Variants in RCBTB2 observed in about 807,000 individuals in gnomAD.
The protein encoded by RCBTB2 is RCC1 and BTB domain-containing protein 2.
RCBTB2 carries 55 observed loss-of-function variants against 65.4 expected under a neutral mutation model. The ratio of observed to expected loss-of-function variants is 0.84; its 90% CI spans 0.68 to 1.05. The LOEUF is 1.05. RCBTB2 is among the 50% of genes least tolerant of loss of function. The pLI is 0.00. For missense variants in RCBTB2, 599 were observed against 680.1 expected, an observed-to-expected ratio of 0.88 and a Z score of 1.33; for synonymous variants, 220 against 255.2, an observed-to-expected ratio of 0.86 and a Z score of 1.31.
chr13:48,524,471 C>T (rs767762559), intron 2 of RCBTB2, among the ~76,000 whole-genome samples, 188 bp downstream of exon 2: 5 of 152,198 alleles, frequency 3.3e-5, no homozygotes, highest in South Asian at 4.1e-4. Flanking sequence ...ATTTCAGTAA[C>T]GTGACCAATA....
rs1260856038 is a variant in RCBTB2 at position 48,512,015 on chromosome 13, C to A, written c.675+1G>T. 1 of 1,612,988 alleles carries A rather than the reference C, an allele frequency of 6.2e-7. No homozygotes were observed. Among genetic ancestry groups the A allele is most frequent in the Non-Finnish European group, 8.5e-7 (1 of 1,179,164 alleles). Reference sequence around the variant, plus strand: ...AACAAGATGTAAAATAACTTCCTTACCTCCCCCGTGTCTACTACTGCCATG... The same window carrying A: ...AACAAGATGTAAAATAACTTCCTTAACTCCCCCGTGTCTACTACTGCCATG... On this transcript the variant is annotated splice_donor_variant, in intron 8 of 14. Transcript: ENST00000344532. LOFTEE classifies it high-confidence loss of function.
In RCBTB2 at chr13:48,521,977, T is replaced by C; in HGVS notation, c.-23-15A>G. ...CTGGGCAGTCCCTGAGGAAAAAGTA[T>C]GTGGTAAAATCAGGATCCCTTATGT... is the stretch of plus-strand genomic sequence containing the variant. On this transcript the variant is annotated splice_polypyrimidine_tract_variant and intron_variant, in intron 3 of 14. Coordinates refer to ENST00000344532, the MANE Select transcript of RCBTB2 (RefSeq NM_001268.4). The C allele has an allele frequency of 5.0e-6, 8 of 1,610,642 alleles. No individual in the cohort carries two copies. Among genetic ancestry groups the C allele is most frequent in the Non-Finnish European group, 6.8e-6 (8 of 1,178,198 alleles).
At chr13:48,525,540 C>G (rs1951681674) in intron 1 of RCBTB2, among the ~76,000 whole-genome samples, 1 of 151,236 alleles carries the variant, frequency 6.6e-6, no homozygotes. Flanking sequence ...CCTACTCTAT[C>G]CTATTTTATC....
intron 1 of RCBTB2, among the ~76,000 whole-genome samples, chr13:48,527,602 GT>G (rs1951879316): frequency 6.6e-6 from 1 of 151,924 alleles, no homozygotes; most frequent in Non-Finnish European, 1.5e-5. Context: ...GGGACACTCG[GT>G]GGCCAGTAGT....
intron 12 of RCBTB2, 81 bp from the exon 13 acceptor site, chr13:48,499,841 G>A (rs565110300): frequency 2.1e-5 from 32 of 1,521,816 alleles, no homozygotes; most frequent in South Asian, 1.9e-4. Context: ...TTCTTCTCTC[G>A]AAGGTGCACG....
chr13:48,514,368 A>G (rs529149178), intron 6 of RCBTB2, among the ~76,000 whole-genome samples: 1 of 152,356 alleles, frequency 6.6e-6, no homozygotes, highest in African/African-American at 2.4e-5. Context: ...ATGGCACACA[A>G]TTTAAAACTT....
intron 4 of RCBTB2, among the ~76,000 whole-genome samples, chr13:48,516,452 T>A: frequency 6.6e-6 from 1 of 152,238 alleles, no homozygotes. Flanking sequence ...TTCTGAGGGC[T>A]GTGAGGGAAG....
intron 13 of RCBTB2, among the ~76,000 whole-genome samples, chr13:48,498,521 G>A (rs1395399225): frequency 2.6e-5 from 4 of 151,292 alleles, no homozygotes; most frequent in East Asian, 1.9e-4. Flanking sequence ...ACCTGAGGTC[G>A]GGAGTTCAAG....
intron 13 of RCBTB2, 87 bp downstream of exon 13, chr13:48,499,534 C>G (rs1388502830): frequency 1.2e-5 from 16 of 1,345,596 alleles, no homozygotes; most frequent in Non-Finnish European, 1.6e-5. Flanking sequence ...TAATTACCCT[C>G]ACAGTGACTT....
intron 10 of RCBTB2, among the ~76,000 whole-genome samples, chr13:48,503,409 C>T (rs997217852): frequency 1.3e-5 from 2 of 152,194 alleles, no homozygotes; most frequent in African/African-American, 4.8e-5. Context: ...ACTCCTATTG[C>T]ACAGAGTAAA....
In RCBTB2 at chr13:48,490,013, C is replaced by T; in HGVS notation, c.*98G>A. The T allele has an allele frequency of 2.2e-6, 3 of 1,343,992 alleles. No individual in the cohort carries two copies. The highest frequency in any genetic ancestry group is 1.2e-5 in the South Asian group (1 of 83,234). The allele number at this position is 1,343,992 out of a possible 1,614,324, so 83.3% of individuals were successfully genotyped here. ...TGACAGTTACAAGTACTCAGCCAAA[C>T]ATAGCTCATCATACATACTATTAAT... On this transcript the variant is annotated 3_prime_UTR_variant, in exon 15 of 15. Coordinates refer to ENST00000344532, the MANE Select transcript of RCBTB2 (RefSeq NM_001268.4).
chr13:48,503,532 A>C (rs17071843), intron 10 of RCBTB2, among the ~76,000 whole-genome samples: 1 of 148,654 alleles, frequency 6.7e-6, no homozygotes, highest in African/African-American at 2.5e-5. Flanking sequence ...TGAGGAGGTA[A>C]TTCTCAGAAC....
chr13:48,521,438 C>T (rs1453685319), intron 4 of RCBTB2, among the ~76,000 whole-genome samples: 1 of 152,158 alleles, frequency 6.6e-6, no homozygotes, highest in Non-Finnish European at 1.5e-5. Context: ...TTAACAACAA[C>T]TGGACACTGA....
chr13:48,515,608 A>G lies in RCBTB2; in HGVS notation c.176T>C (p.Leu59Ser). ...TACCTCATCATTTACTGTAGTGTATAAAACTTCATTGCCAGCACTGCCAAA... is the reference window on the plus strand; with the variant it reads ...TACCTCATCATTTACTGTAGTGTATGAAACTTCATTGCCAGCACTGCCAAA... ...CVFGSAGNEVLYTTVNDEIFV... is the reference protein window; with the variant it reads ...CVFGSAGNEVSYTTVNDEIFV... Residue 59 changes from leucine to serine, a missense_variant, in exon 5 of 15, where the codon TTA (leucine) becomes TCA (serine). By Grantham distance (145) the Leu-to-Ser change is moderately radical (BLOSUM62 -2). Transcript: ENST00000344532. 1 of 1,610,912 alleles carries G rather than the reference A, an allele frequency of 6.2e-7. No homozygotes were observed. Among genetic ancestry groups the G allele is most frequent in the Non-Finnish European group, 8.5e-7 (1 of 1,179,092 alleles).
At chr13:48,491,435 G>A (rs1405175105) in intron 14 of RCBTB2, among the ~76,000 whole-genome samples, 5 of 152,056 alleles carry the variant, frequency 3.3e-5, no homozygotes, top group Non-Finnish European at 7.4e-5. Context: ...TGATAAACAG[G>A]GAAAATTCAC....
intron 10 of RCBTB2, among the ~76,000 whole-genome samples, chr13:48,510,223 C>G (rs1468521451): frequency 3.3e-5 from 5 of 152,124 alleles, no homozygotes; most frequent in African/African-American, 1.2e-4. Flanking sequence ...GCTGAGTGAC[C>G]AGCTTTATAC....
Position 48,489,827 on chromosome 13 carries a change from C to G in RCBTB2, c.*284G>C. On this transcript the variant is annotated 3_prime_UTR_variant, in exon 15 of 15. Coordinates refer to ENST00000344532, the MANE Select transcript of RCBTB2 (RefSeq NM_001268.4). The stretch of plus-strand genomic sequence containing the variant: ...AATAGCATATACTGAGACCAGGGTA[C>G]CAAAGGTGTCCAATTTAAGTGACTC... The G allele has an allele frequency of 4.8e-6, 2 of 416,310 alleles. No homozygotes were observed. Among genetic ancestry groups the G allele is most frequent in the South Asian group, 4.8e-5 (2 of 41,950 alleles). The allele number at this position is 416,310 out of a possible 1,614,324, so 25.8% of individuals were successfully genotyped here. A position where few individuals can be genotyped will look rare whatever the true frequency, so the allele number is the denominator to read the frequency against.
At chr13:48,518,712 A>C (rs1951244599) in intron 4 of RCBTB2, among the ~76,000 whole-genome samples, 1 of 151,746 alleles carries the variant, frequency 6.6e-6, no homozygotes, top group African/African-American at 2.4e-5. Context: ...CTTTATTTAA[A>C]ATTTGTATTT....
chr13:48,525,407 T>G (rs1375291588), intron 1 of RCBTB2, among the ~76,000 whole-genome samples: 2 of 135,206 alleles, frequency 1.5e-5, no homozygotes, highest in African/African-American at 5.9e-5. Context: ...TATATATATA[T>G]ATATATATAT....
Sources: allele counts gnomAD v4.1 joint callset (sites outside exome capture counted in the v4.1 genomes callset), GRCh38; gene constraint gnomAD v4.1.1; transcripts MANE v1.5; gene names NCBI Gene and HGNC (gene_info 2026-07-23, HGNC 2026-07-21).